The following NPAS2 variants were observed in gnomAD, a reference collection of about 807,000 sequenced individuals.
The protein encoded by NPAS2 is neuronal PAS domain-containing protein 2.
In NPAS2, 23 loss-of-function variants were observed where a neutral mutation model predicts 107.5. The observed-to-expected ratio is 0.21, with a 90% CI of 0.15 to 0.30. The LOEUF is 0.30. NPAS2 is among the 10% of genes least tolerant of loss of function. NPAS2 has a pLI of 1.00. For synonymous variants in NPAS2, 403 were observed against 417.5 expected (o/e 0.97, Z 0.42); for missense variants, 756 against 1,043.3 (o/e 0.72, Z 3.79).
At chr2:100,882,677 C>T (rs1680446312) in intron 1 of NPAS2, among the ~76,000 whole-genome samples, 1 of 152,204 alleles carries the variant, frequency 6.6e-6, no homozygotes, top group Non-Finnish European at 1.5e-5. Flanking sequence ...GACTGATTTC[C>T]TGCTGGCAGG....
Position 100,995,600 on chromosome 2 carries a change from C to T in NPAS2, c.*18C>T, listed in dbSNP as rs748112088. 14 of 1,596,418 alleles carry T rather than the reference C, an allele frequency of 8.8e-6. No homozygotes were observed. In the African/African-American group the frequency reaches 1.3e-4, roughly 15 times the overall value. On this transcript the variant is annotated 3_prime_UTR_variant, in exon 21 of 21. Coordinates refer to ENST00000335681, the MANE Select transcript of NPAS2 (RefSeq NM_002518.4). ...CCCGATAATGCCCCGGCACTGAAGTCGGGACACAATCAGCTTTAACCAATG... is the reference window on the plus strand; with the variant it reads ...CCCGATAATGCCCCGGCACTGAAGTTGGGACACAATCAGCTTTAACCAATG...
chr2:100,993,258 ATTTGTTTTTTC>A, intron 19 of NPAS2, 78 bp from the exon 20 acceptor site: 3 of 1,306,402 alleles, frequency 2.3e-6, no homozygotes, highest in Non-Finnish European at 3.1e-6. Flanking sequence ...AGTCCAACTT[ATTTGTTTTTTC>A]TTTGTTGCTC....
intron 7 of NPAS2, among the ~76,000 whole-genome samples, chr2:100,953,267 A>G (rs975409192): frequency 3.3e-5 from 5 of 151,690 alleles, no homozygotes; most frequent in African/African-American, 1.2e-4. Flanking sequence ...CCCAGCTATC[A>G]GGAGGGTGAG....
chr2:100,905,804 C>T (rs4851377), intron 2 of NPAS2, among the ~76,000 whole-genome samples: 74,583 of 151,944 alleles, frequency 0.49, 18,789 homozygotes, highest in East Asian at 0.56. Context: ...TTGCTTGTCA[C>T]CTGTAAATGG....
chr2:100,952,100 C>T (rs1184671671), intron 7 of NPAS2, among the ~76,000 whole-genome samples: 4 of 145,536 alleles, frequency 2.7e-5, no homozygotes, highest in Non-Finnish European at 6.0e-5. Flanking sequence ...TGCAGTGAGC[C>T]GAGATCGTGC....
intron 16 of NPAS2, chr2:100,987,072 G>A (rs1558942983): frequency 6.6e-6 from 1 of 152,228 alleles, no homozygotes; most frequent in African/African-American, 2.4e-5. Context: ...AAATAACTGG[G>A]ATTACAGGCG....
chr2:100,906,860 G>A (rs1682181260), intron 2 of NPAS2, among the ~76,000 whole-genome samples: 1 of 152,190 alleles, frequency 6.6e-6, no homozygotes, highest in Non-Finnish European at 1.5e-5. Flanking sequence ...CAGGTGAGAA[G>A]ACTAAAGTTC....
intron 2 of NPAS2, among the ~76,000 whole-genome samples, chr2:100,914,337 C>G (rs1218089928): frequency 1.3e-5 from 2 of 152,188 alleles, no homozygotes; most frequent in Non-Finnish European, 2.9e-5. Flanking sequence ...CAAGTACAAC[C>G]CTCCTCTGGA....
At chr2:100,931,596 C>G (rs954659458) in intron 3 of NPAS2, among the ~76,000 whole-genome samples, 1 of 150,904 alleles carries the variant, frequency 6.6e-6, no homozygotes, top group Non-Finnish European at 1.5e-5. Flanking sequence ...ATGCCATTCT[C>G]CTGCCTCAGC....
chr2:100,876,310 A>T (rs763932693), intron 1 of NPAS2, among the ~76,000 whole-genome samples: 1 of 152,206 alleles, frequency 6.6e-6, no homozygotes, highest in African/African-American at 2.4e-5. Context: ...GCCAGAACGC[A>T]TTGCGTGGAG....
intron 2 of NPAS2, among the ~76,000 whole-genome samples, chr2:100,914,332 A>G (rs972093606): frequency 6.6e-6 from 1 of 152,208 alleles, no homozygotes; most frequent in African/African-American, 2.4e-5. Context: ...AGCTGCAAGT[A>G]CAACCCTCCT....
At chr2:100,895,930 G>A (rs896089538) in intron 1 of NPAS2, among the ~76,000 whole-genome samples, 6 of 152,188 alleles carry the variant, frequency 3.9e-5, no homozygotes, top group Non-Finnish European at 8.8e-5. Flanking sequence ...CACCCCTGGT[G>A]ACCTCCTTAC....
chr2:100,941,109 A>G (rs935220344), intron 5 of NPAS2, among the ~76,000 whole-genome samples: 5 of 152,192 alleles, frequency 3.3e-5, no homozygotes, highest in African/African-American at 1.2e-4. Flanking sequence ...GTGGGGCTTC[A>G]AGTCTCTCTC....
At chr2:100,828,343 C>T (rs955514708) in intron 1 of NPAS2, among the ~76,000 whole-genome samples, 1 of 152,018 alleles carries the variant, frequency 6.6e-6, no homozygotes, top group African/African-American at 2.4e-5. Context: ...TATGTTCTCC[C>T]ATTTATGTAG....
In NPAS2 at chr2:100,820,534, A is replaced by C. The variant is rs1007251829; in HGVS notation, c.-23+120A>C. 1 of 152,116 alleles carries C rather than the reference A, an allele frequency of 6.6e-6. No homozygotes were observed. The allele number at this position is 152,116 out of a possible 1,614,324, so 9.4% of individuals were successfully genotyped here. On this transcript the variant is annotated intron_variant, in intron 1 of 20. Coordinates refer to ENST00000335681, the MANE Select transcript of NPAS2 (RefSeq NM_002518.4). The surrounding 1 kb of genome is among the most constrained non-coding windows in gnomAD (Gnocchi z 5.6). ...GACGCGCGGGGGCGGAGGGGCGCTC[A>C]GGCGCGAGGCTGCGCGGCACCGGGG...
At chr2:100,930,548 A>G (rs572588387) in intron 3 of NPAS2, among the ~76,000 whole-genome samples, 2 of 152,326 alleles carry the variant, frequency 1.3e-5, no homozygotes, top group African/African-American at 2.4e-5. Flanking sequence ...TTTGGAAACC[A>G]CTTTTACCAT....
chr2:100,964,275 G>A lies in NPAS2; in HGVS notation c.717+99G>A, dbSNP rs570326512. On this transcript the variant is annotated intron_variant, in intron 8 of 20. Transcript: ENST00000335681. ...GTCTTTTGGGAGGGAATAAATTGCA[G>A]TGAAGTTGTCACTGGCTTTGAAAAT... 2.7e-5 allele frequency: 23 copies of A among 854,784 alleles called. No individual in the cohort carries two copies. The African/African-American group carries it at 3.0e-4, about 11-fold the overall frequency. 52.9% of individuals were successfully genotyped at this position (854,784 alleles called of 1,614,324 possible).
intron 1 of NPAS2, among the ~76,000 whole-genome samples, chr2:100,835,431 C>T (rs1250062407): frequency 6.6e-6 from 1 of 152,140 alleles, no homozygotes; most frequent in East Asian, 1.9e-4. Flanking sequence ...GGGTGCATGC[C>T]GGAGTAGGAA....
Position 100,820,264 on chromosome 2 carries a change from G to GGCGGCGGCGGCA in NPAS2, c.-168_-167insGGCGGCAGCGGC, listed in dbSNP as rs1675998248. On this transcript the variant is annotated 5_prime_UTR_variant, in exon 1 of 21. Coordinates refer to ENST00000335681, the MANE Select transcript of NPAS2 (RefSeq NM_002518.4). The surrounding 1 kb of genome is among the most constrained non-coding windows in gnomAD (Gnocchi z 5.6). ...CCGCAGCCGCGGCGGCGGCGGCGGC[G>GGCGGCGGCGGCA]GCGGCAGCAGCTAGAGCAGCGCCTC... 1 of 148,866 alleles carries GGCGGCGGCGGCA rather than the reference G, an allele frequency of 6.7e-6. No homozygotes were observed. The highest frequency in any genetic ancestry group is 1.5e-5 in the Non-Finnish European group (1 of 67,706). The allele number at this position is 148,866 out of a possible 1,614,324, so 9.2% of individuals were successfully genotyped here. A position where few individuals can be genotyped will look rare whatever the true frequency, so the allele number is the denominator to read the frequency against.
Sources: allele counts gnomAD v4.1 joint callset (sites outside exome capture counted in the v4.1 genomes callset), GRCh38; gene constraint gnomAD v4.1.1; non-coding constraint Gnocchi (gnomAD v3.1); transcripts MANE v1.5; gene names NCBI Gene and HGNC (gene_info 2026-07-23, HGNC 2026-07-21).